SAMD11: variants seen among roughly 807,000 people sequenced by gnomAD.
SAMD11 encodes sterile alpha motif domain containing 11.
SAMD11 carries 77 observed loss-of-function variants against 64.4 expected under a neutral mutation model. The observed-to-expected ratio is 1.20, with a 90% CI of 0.99 to 1.44. SAMD11 has a LOEUF of 1.44. SAMD11 is among the 40% of genes most tolerant of loss of function. The pLI is 0.00. For synonymous variants in SAMD11, 658 were observed against 421.9 expected (o/e 1.56, Z -6.86); for missense variants, 1,402 against 943.3 (o/e 1.49, Z -6.37).
rs1640800218 is a variant in SAMD11, at chr1:924,818, G to C, written c.387G>C (p.Val129=). The C allele has an allele frequency of 6.6e-6, 1 of 152,218 alleles. No individual in the cohort carries two copies. Among genetic ancestry groups the C allele is most frequent in the Non-Finnish European group, 1.5e-5 (1 of 68,046 alleles). The allele number at this position is 152,218 out of a possible 1,614,324, so 9.4% of individuals were successfully genotyped here. ...ECGANRALLY[V]RKLCQGSKGP... ...GCGCCAACCGCGCGCTGCTCTACGT[G>C]CGCAAACTCTGCCAGGGCAGCAAGG... Residue 129 remains valine, a synonymous_variant, in exon 1 of 14, where the codon GTG becomes GTC. Transcript: ENST00000616016.
intron 5 of SAMD11, among the ~76,000 whole-genome samples, chr1:938,244 C>T (rs1641560597): frequency 6.6e-6 from 1 of 151,012 alleles, no homozygotes; most frequent in South Asian, 2.1e-4. Flanking sequence ...GGCCTCCCCT[C>T]TGCCACCTGC....
At chr1:939,496 C>T in intron 7 of SAMD11, 84 bp downstream of exon 7, 2 of 1,586,688 alleles carry the variant, frequency 1.3e-6, no homozygotes, top group Non-Finnish European at 8.6e-7. Context: ...CCCCTCATCA[C>T]CTCCCCAGCC....
intron 2 of SAMD11, among the ~76,000 whole-genome samples, chr1:928,060 A>G (rs1347222237): frequency 6.6e-6 from 1 of 152,240 alleles, no homozygotes; most frequent in Non-Finnish European, 1.5e-5. Flanking sequence ...CCCACAGACA[A>G]GAAGCAGAGA....
rs201770125 is a variant in SAMD11 at position 942,209 on chromosome 1, C to A, written c.1432C>A (p.Pro478Thr). 2.2e-6 allele frequency: 3 copies of A among 1,362,364 alleles called. No individual in the cohort carries two copies. The highest frequency in any genetic ancestry group is 3.0e-5 in the African/African-American group (2 of 66,308). 84.4% of individuals were successfully genotyped at this position (1,362,364 alleles called of 1,614,324 possible). Residue 478 changes from proline to threonine, a missense_variant, in exon 9 of 14, where the codon CCC becomes ACC. Coordinates refer to ENST00000616016, the MANE Select transcript of SAMD11 (RefSeq NM_001385641.1). Reference sequence around the variant, plus strand: ...CGTCGCCCTGGGCCCCCATCTCAGGCCCCCCTTCCTGGGGGTGCCCTCGGC... The same window carrying A: ...CGTCGCCCTGGGCCCCCATCTCAGGACCCCCTTCCTGGGGGTGCCCTCGGC... Reference protein sequence around the residue: ...PHVALGPHLRPPFLGVPSALC... With the variant: ...PHVALGPHLRTPFLGVPSALC...
Position 942,195 on chromosome 1 carries a change from G to A in SAMD11, c.1418G>A (p.Gly473Asp), listed in dbSNP as rs1487351340. ...SPQNAPHVAL[G>D]PHLRPPFLGV... The stretch of plus-strand genomic sequence containing the variant: ...CAGAATGCCCCTCACGTCGCCCTGG[G>A]CCCCCATCTCAGGCCCCCCTTCCTG... Residue 473 changes from glycine (G) to aspartate (D), a missense_variant, in exon 9 of 14, where the codon GGC (glycine) becomes GAC (aspartate). Gly to Asp is a moderately conservative substitution (Grantham distance 94, BLOSUM62 -1). Coordinates refer to ENST00000616016, the MANE Select transcript of SAMD11 (RefSeq NM_001385641.1). 7.2e-6 allele frequency: 10 copies of A among 1,391,372 alleles called. No homozygotes were observed. Among genetic ancestry groups the A allele is most frequent in the South Asian group, 1.7e-5 (1 of 60,070 alleles). 86.2% of individuals were successfully genotyped at this position (1,391,372 alleles called of 1,614,324 possible).
Position 935,056 on chromosome 1 carries a change from G to A in SAMD11, c.843-716G>A, listed in dbSNP as rs573665122. Reference sequence around the variant, plus strand: ...GAGGCTCACGGAACCGGGAAGGGGTGGAGGGCCGTGCTCCACACAGTTCGT... The same window carrying A: ...GAGGCTCACGGAACCGGGAAGGGGTAGAGGGCCGTGCTCCACACAGTTCGT... On this transcript the variant is annotated intron_variant, in intron 4 of 13. Transcript: ENST00000616016. Among the ~76,000 whole-genome samples, 459 of 152,230 alleles carry A rather than the reference G, an allele frequency of 3.0e-3. 2 individuals are homozygous for A. Among genetic ancestry groups the A allele is most frequent in the Non-Finnish European group, 4.8e-3 (329 of 68,006 alleles).
intron 5 of SAMD11, 123 bp from the exon 6 acceptor site, chr1:938,917 G>A: frequency 1.2e-6 from 1 of 847,658 alleles, no homozygotes; most frequent in Non-Finnish European, 2.0e-6. Context: ...GGCAAGGCCT[G>A]TACTCACCAG....
At chr1:941,779 G>C (rs2100354353) in intron 8 of SAMD11, among the ~76,000 whole-genome samples, 1 of 152,156 alleles carries the variant, frequency 6.6e-6, no homozygotes, top group South Asian at 2.1e-4. Context: ...GTCCCTGCCC[G>C]GCCGCTGAGC....
rs1292887484 is a variant in SAMD11, at chr1:936,560, G to A, written c.967+664G>A. On this transcript the variant is annotated intron_variant, in intron 5 of 13. Coordinates refer to ENST00000616016, the MANE Select transcript of SAMD11 (RefSeq NM_001385641.1). ...CAGGCCCCCCTCAGAGGGCACTGCTGTAGAGAGGGGCACAGCAGAGCCTCA... is the reference window on the plus strand; with the variant it reads ...CAGGCCCCCCTCAGAGGGCACTGCTATAGAGAGGGGCACAGCAGAGCCTCA... Among the ~76,000 whole-genome samples, 8 of 152,116 alleles carry A rather than the reference G, an allele frequency of 5.3e-5. 1 individual carries two copies. The highest frequency in any genetic ancestry group is 6.3e-3 in the Middle Eastern group (2 of 316).
rs759551997 is a variant in SAMD11 at position 941,179 on chromosome 1, G to A, written c.1231G>A (p.Ala411Thr). The A allele has an allele frequency of 6.9e-6, 11 of 1,602,112 alleles. No homozygotes were observed. The highest frequency in any genetic ancestry group is 5.6e-5 in the South Asian group (5 of 89,226). The change falls in exon 8 of 14, where the codon GCT becomes ACT. Residue 411 changes from alanine to threonine, a missense_variant. By Grantham distance (58) the Ala-to-Thr change is moderately conservative (BLOSUM62 0). Transcript: ENST00000616016. ...LRVRQEVAAA[A>T]LRGPSGLEAH... is the part of the protein sequence containing the mutation. Reference sequence around the variant, plus strand: ...GGTCCGGCAGGAGGTGGCGGCTGCAGCTCTGAGGGGCCCCAGTGGCCTGGA... The same window carrying A: ...GGTCCGGCAGGAGGTGGCGGCTGCAACTCTGAGGGGCCCCAGTGGCCTGGA...
At chr1:933,167 C>G (rs971623198) in intron 4 of SAMD11, among the ~76,000 whole-genome samples, 1 of 152,216 alleles carries the variant, frequency 6.6e-6, no homozygotes, top group Non-Finnish European at 1.5e-5. Flanking sequence ...TTCTGTGGTT[C>G]GAGGACCATG....
At chr1:939,533 G>A in intron 7 of SAMD11, 121 bp downstream of exon 7, 1 of 1,531,048 alleles carries the variant, frequency 6.5e-7, no homozygotes, top group Non-Finnish European at 8.8e-7. Flanking sequence ...TCCTGTTGCT[G>A]AGGCCCTGCT....
chr1:943,174 A>C (rs951149461), intron 11 of SAMD11, 79 bp from the exon 12 acceptor site: 7 of 1,602,234 alleles, frequency 4.4e-6, no homozygotes, highest in Non-Finnish European at 6.0e-6. Flanking sequence ...CACCTCAGCA[A>C]TTGGGGCACA....
chr1:936,950 T>A (rs1641487976), intron 5 of SAMD11, among the ~76,000 whole-genome samples: 1 of 152,168 alleles, frequency 6.6e-6, no homozygotes, highest in South Asian at 2.1e-4. Flanking sequence ...CGCGTGTGCG[T>A]GTGCCGGCAT....
intron 12 of SAMD11, 58 bp from the exon 13 acceptor site, chr1:943,640 C>G: frequency 6.9e-7 from 1 of 1,455,568 alleles, no homozygotes; most frequent in Non-Finnish European, 9.1e-7. Flanking sequence ...CTTGGCTCTG[C>G]TGGGCTGGAG....
intron 7 of SAMD11, chr1:940,466 A>C (rs1278475471): frequency 6.6e-6 from 1 of 152,010 alleles, no homozygotes; most frequent in African/African-American, 2.4e-5. Context: ...CTTTCGGGTA[A>C]TTAATTTATA....
chr1:941,050 T>A (rs1348126110), intron 7 of SAMD11, 94 bp from the exon 8 acceptor site: 2 of 1,203,328 alleles, frequency 1.7e-6, no homozygotes, highest in African/African-American at 3.0e-5. Flanking sequence ...AGTGGTGTGG[T>A]CAGTTCCCCA....
chr1:940,512 AGTG>A (rs1456763485), intron 7 of SAMD11: 1 of 152,108 alleles, frequency 6.6e-6, no homozygotes, highest in Non-Finnish European at 1.5e-5. Context: ...GAGCCTGCAT[AGTG>A]GGGGCTGCGG....
In SAMD11 at chr1:943,945, G is replaced by C. The variant is rs1185802349; in HGVS notation, c.2327G>C (p.Ser776Thr). The C allele has an allele frequency of 3.1e-6, 5 of 1,612,556 alleles. No homozygotes were observed. In the African/African-American group the frequency reaches 6.7e-5, roughly 22 times the overall value. ...RRLGRVFYVA[S>T]FPVALPLQPP... is the part of the protein sequence containing the mutation. ...CTGGGCCGAGTTTTCTACGTGGCCA[G>C]CTTCCCCGTGGCTCTGCCACTGCAG... The change falls in exon 14 of 14, where the codon AGC (serine) becomes ACC (threonine). Residue 776 changes from serine to threonine, a missense_variant. Coordinates refer to ENST00000616016, the MANE Select transcript of SAMD11 (RefSeq NM_001385641.1).
Sources: allele counts gnomAD v4.1 joint callset (sites outside exome capture counted in the v4.1 genomes callset), GRCh38; gene constraint gnomAD v4.1.1; transcripts MANE v1.5; gene names NCBI Gene and HGNC (gene_info 2026-07-23, HGNC 2026-07-21).